Variants in STARD13 observed in about 807,000 individuals in gnomAD.
The protein encoded by STARD13 is StAR related lipid transfer domain containing 13, also known as stAR-related lipid transfer protein 13.
STARD13 carries 62 observed loss-of-function variants against 106.4 expected under a neutral mutation model. The ratio of observed to expected loss-of-function variants is 0.58; its 90% confidence interval spans 0.48 to 0.72. The LOEUF is 0.72. STARD13 is among the 30% of genes least tolerant of loss of function. The pLI, the probability that STARD13 is intolerant of heterozygous loss-of-function variation, is 0.00. For synonymous variants in STARD13, 565 were observed against 553.0 expected (o/e 1.02, Z -0.31); for missense variants, 1,387 against 1,424.0 (o/e 0.97, Z 0.42).
chr13:33,266,624 G>A (rs902970548), intron 1 of STARD13, among the ~76,000 whole-genome samples: 15 of 152,140 alleles, frequency 9.9e-5, no homozygotes, highest in African/African-American at 3.1e-4. Context: ...GGACAACTCT[G>A]CGATTTTGCC....
At chr13:33,656,111 A>G in the STARD13 span, among the ~76,000 whole-genome samples, 2 of 152,142 alleles carry the variant, frequency 1.3e-5, no homozygotes, top group African/African-American at 4.8e-5. Flanking sequence ...AATTATCACT[A>G]TGTATTCTAA....
At chr13:33,484,370 A>T in the STARD13 span, among the ~76,000 whole-genome samples, 1 of 152,178 alleles carries the variant, frequency 6.6e-6, no homozygotes, top group Middle Eastern at 3.4e-3. Flanking sequence ...TTCCCCAATT[A>T]CTCCTATGAA....
At chr13:33,138,727 C>G in intron 4 of STARD13, 1 of 374,686 alleles carries the variant, frequency 2.7e-6, no homozygotes, top group Non-Finnish European at 5.4e-6. Context: ...TGCTGGTGTC[C>G]TGTCTCCTGA....
At chr13:33,138,701 C>T (rs549391408) in intron 4 of STARD13, 24 of 324,422 alleles carry the variant, frequency 7.4e-5, no homozygotes, top group African/African-American at 4.9e-4. Context: ...AGAGCCCGAG[C>T]TGCAGGCGGC....
At chr13:33,328,078 T>G (rs2077797213) in intron 1 of STARD13, among the ~76,000 whole-genome samples, 1 of 152,240 alleles carries the variant, frequency 6.6e-6, no homozygotes, top group Non-Finnish European at 1.5e-5. Context: ...ACATTTGTTT[T>G]TCGTATACTG....
At chr13:33,419,715 G>A in the STARD13 span, among the ~76,000 whole-genome samples, 6 of 152,184 alleles carry the variant, frequency 3.9e-5, no homozygotes, top group Non-Finnish European at 7.3e-5. Flanking sequence ...GAGAAAGGTC[G>A]GGTTACCCCC....
At chr13:33,113,856 A>C (rs765895143) in intron 8 of STARD13, among the ~76,000 whole-genome samples, 24 of 152,112 alleles carry the variant, frequency 1.6e-4, no homozygotes, top group Non-Finnish European at 2.8e-4. Flanking sequence ...TGCTGCTCCC[A>C]CCTGTGGCTG....
intron 1 of STARD13, among the ~76,000 whole-genome samples, chr13:33,246,266 C>T (rs1480886959): frequency 6.6e-6 from 1 of 152,184 alleles, no homozygotes. Flanking sequence ...GAATAAGTGG[C>T]TGTGTTGCTT....
At chr13:33,646,724 A>T in the STARD13 span, among the ~76,000 whole-genome samples, 1 of 152,152 alleles carries the variant, frequency 6.6e-6, no homozygotes, top group South Asian at 2.1e-4. Context: ...ACTATTCTGA[A>T]ATTCTGGCAA....
chr13:33,180,586 T>C (rs1240747822), intron 1 of STARD13: 1 of 152,190 alleles, frequency 6.6e-6, no homozygotes, highest in African/African-American at 2.4e-5. Flanking sequence ...GGAGAAGTTG[T>C]GGGTTAATGT....
rs554131376 is a variant in STARD13 at position 33,329,708 on chromosome 13, T to C, written c.124+20582A>G. Among the ~76,000 whole-genome samples the C allele has an allele frequency of 2.4e-3, 365 of 150,272 alleles. 2 individuals are homozygous for C. The highest frequency in any genetic ancestry group is 7.9e-3 in the African/African-American group (326 of 41,090). ...TTGTATAAAATCACTTTCTTTCTTT[T>C]TTTTTTTTTTTTTGAGACAGAATCT... is the stretch of plus-strand genomic sequence containing the variant. On this transcript the variant is annotated intron_variant, in intron 1 of 5. Coordinates refer to the STARD13 transcript ENST00000567873.
intron 5 of STARD13, among the ~76,000 whole-genome samples, chr13:33,127,944 G>A (rs1248727203): frequency 6.6e-6 from 1 of 151,412 alleles, no homozygotes; most frequent in Non-Finnish European, 1.5e-5. Flanking sequence ...GAAAGAGACG[G>A]AGACAGGGAG....
At chr13:33,543,488 T>C in the STARD13 span, among the ~76,000 whole-genome samples, 1 of 148,254 alleles carries the variant, frequency 6.7e-6, no homozygotes, top group South Asian at 2.1e-4. Flanking sequence ...AATAATGTTC[T>C]TTTTTTCCTG....
the STARD13 span, among the ~76,000 whole-genome samples, chr13:33,403,715 G>A: frequency 1.3e-5 from 2 of 152,156 alleles, no homozygotes; most frequent in African/African-American, 2.4e-5. Context: ...CTTGTCTAAG[G>A]TCAAGGTCCC....
chr13:33,598,271 G>A, the STARD13 span, among the ~76,000 whole-genome samples: 1 of 152,122 alleles, frequency 6.6e-6, no homozygotes, highest in East Asian at 1.9e-4. Context: ...CTGGTTCGAT[G>A]GTTGTGAATG....
chr13:33,469,877 C>A, the STARD13 span, among the ~76,000 whole-genome samples: 1 of 151,820 alleles, frequency 6.6e-6, no homozygotes, highest in Non-Finnish European at 1.5e-5. Context: ...ATGAGCTGTA[C>A]AGCTTTTTTG....
chr13:33,496,758 A>G, the STARD13 span, among the ~76,000 whole-genome samples: 5 of 152,134 alleles, frequency 3.3e-5, no homozygotes, highest in African/African-American at 9.6e-5. Flanking sequence ...CAGTTTATAC[A>G]TATTCATTGC....
At chr13:33,135,337 G>A (rs1392749843) in intron 4 of STARD13, among the ~76,000 whole-genome samples, 2 of 152,222 alleles carry the variant, frequency 1.3e-5, no homozygotes, top group Non-Finnish European at 2.9e-5. Context: ...CTCACAATCA[G>A]TGGATTTGTC....
intron 1 of STARD13, among the ~76,000 whole-genome samples, chr13:33,173,379 T>C (rs79202880): frequency 0.011 from 1,739 of 152,308 alleles, 20 homozygotes; most frequent in Admixed American, 0.021. Context: ...CATCTATATA[T>C]GGATACCAAT....
Sources: allele counts gnomAD v4.1 joint callset (sites outside exome capture counted in the v4.1 genomes callset), GRCh38; gene constraint gnomAD v4.1.1; transcripts MANE v1.5; gene names NCBI Gene and HGNC (gene_info 2026-07-23, HGNC 2026-07-21).